Variants in PPARGC1A observed in about 807,000 individuals in gnomAD.
PPARGC1A encodes PPARG coactivator 1 alpha, also known as peroxisome proliferator-activated receptor gamma coactivator 1-alpha.
PPARGC1A carries 25 observed loss-of-function variants against 88.7 expected under a neutral mutation model. That is an observed-to-expected ratio of 0.28 (90% confidence interval 0.21 to 0.39). The LOEUF (loss-of-function observed/expected upper bound fraction) is 0.39, where lower values mean the gene tolerates loss of function less well. Ranked by LOEUF, PPARGC1A falls within the 10% of genes least tolerant of loss-of-function variation. The pLI, the probability that PPARGC1A is intolerant of heterozygous loss-of-function variation, is 1.00. For synonymous variants in PPARGC1A, 363 were observed against 355.6 expected (o/e 1.02, Z -0.24); for missense variants, 880 against 968.7 (o/e 0.91, Z 1.22).
At chr4:23,875,122 GT>G (rs1714423913) in intron 2 of PPARGC1A, among the ~76,000 whole-genome samples, 1 of 152,196 alleles carries the variant, frequency 6.6e-6, no homozygotes, top group African/African-American at 2.4e-5. Flanking sequence ...CTACTAAGAA[GT>G]TCAAGTTAGT....
the PPARGC1A span, among the ~76,000 whole-genome samples, chr4:24,163,631 G>A: frequency 0.014 from 2,090 of 152,200 alleles, 16 homozygotes; most frequent in Non-Finnish European, 0.023. Flanking sequence ...TTTCACTGCC[G>A]CAAAAAGCTA....
chr4:24,042,349 C>T, the PPARGC1A span, among the ~76,000 whole-genome samples: 1 of 150,166 alleles, frequency 6.7e-6, no homozygotes, highest in Non-Finnish European at 1.5e-5. Flanking sequence ...AATAGTCATC[C>T]TCTCTGCCTA....
At chr4:23,971,417 A>T in the PPARGC1A span, among the ~76,000 whole-genome samples, 1 of 152,210 alleles carries the variant, frequency 6.6e-6, no homozygotes, top group African/African-American at 2.4e-5. Context: ...CACAACTAAT[A>T]GGACAGAAAA....
the PPARGC1A span, among the ~76,000 whole-genome samples, chr4:24,311,928 T>C: frequency 6.6e-6 from 1 of 152,074 alleles, no homozygotes; most frequent in Non-Finnish European, 1.5e-5. Flanking sequence ...TGGGAAGCCA[T>C]GAAGAAGAGG....
At chr4:24,245,017 G>C in the PPARGC1A span, among the ~76,000 whole-genome samples, 3 of 151,926 alleles carry the variant, frequency 2.0e-5, no homozygotes, top group Non-Finnish European at 4.4e-5. Flanking sequence ...AGGCGAGGAA[G>C]AAGAAAAAGA....
At chr4:23,866,515 C>T (rs191950209) in intron 2 of PPARGC1A, among the ~76,000 whole-genome samples, 7 of 152,212 alleles carry the variant, frequency 4.6e-5, no homozygotes, top group Admixed American at 2.0e-4. Flanking sequence ...CAAGATAGGC[C>T]GAACATTTTC....
At chr4:24,226,563 TC>T in the PPARGC1A span, among the ~76,000 whole-genome samples, 8 of 152,174 alleles carry the variant, frequency 5.3e-5, no homozygotes, top group African/African-American at 1.7e-4. Flanking sequence ...TCTGGAATAA[TC>T]CCAGGAAAGC....
At chr4:24,023,050 T>C in the PPARGC1A span, among the ~76,000 whole-genome samples, 4 of 152,218 alleles carry the variant, frequency 2.6e-5, no homozygotes, top group Non-Finnish European at 5.9e-5. Flanking sequence ...AATGTACTGT[T>C]AATTTCTCAA....
At chr4:23,871,498 C>A (rs1265289115) in intron 2 of PPARGC1A, among the ~76,000 whole-genome samples, 1 of 152,204 alleles carries the variant, frequency 6.6e-6, no homozygotes, top group Non-Finnish European at 1.5e-5. Context: ...AGGAGGTGAA[C>A]CTGCCTATCA....
intron 2 of PPARGC1A, among the ~76,000 whole-genome samples, chr4:23,878,148 C>T (rs544968510): frequency 2.0e-5 from 3 of 152,166 alleles, no homozygotes; most frequent in South Asian, 2.1e-4. Context: ...GTTGAGACTC[C>T]GGGAGGTTGG....
At chr4:23,955,791 A>G in the PPARGC1A span, among the ~76,000 whole-genome samples, 2 of 152,264 alleles carry the variant, frequency 1.3e-5, no homozygotes, top group East Asian at 3.9e-4. Flanking sequence ...ACAAGTAAGA[A>G]AAGTCAAGGC....
chr4:24,067,229 A>G, the PPARGC1A span, among the ~76,000 whole-genome samples: 2 of 152,090 alleles, frequency 1.3e-5, no homozygotes, highest in Admixed American at 6.6e-5. Flanking sequence ...TATTATTAAT[A>G]TAAAAATTCA....
chr4:24,458,132 G>C, the PPARGC1A span, among the ~76,000 whole-genome samples: 40 of 152,326 alleles, frequency 2.6e-4, no homozygotes, highest in East Asian at 7.1e-3. Flanking sequence ...AAGGTCATCA[G>C]AGTTGTAAGA....
the PPARGC1A span, among the ~76,000 whole-genome samples, chr4:24,304,690 C>A: frequency 1.3e-5 from 2 of 152,124 alleles, no homozygotes; most frequent in South Asian, 2.1e-4. Flanking sequence ...CTGACCGAAT[C>A]AGGACACTTT....
the PPARGC1A span, among the ~76,000 whole-genome samples, chr4:23,988,555 C>T: frequency 6.6e-6 from 1 of 151,940 alleles, no homozygotes; most frequent in Non-Finnish European, 1.5e-5. Flanking sequence ...TCAAACAAAC[C>T]TTTGAAAAAT....
At chr4:24,004,274 A>G in the PPARGC1A span, among the ~76,000 whole-genome samples, 2 of 152,288 alleles carry the variant, frequency 1.3e-5, no homozygotes, top group East Asian at 3.9e-4. Context: ...AGGAAACAAT[A>G]CTTTTAAAAA....
At chr4:24,086,387 A>T in the PPARGC1A span, among the ~76,000 whole-genome samples, 1 of 152,276 alleles carries the variant, frequency 6.6e-6, no homozygotes, top group East Asian at 1.9e-4. Flanking sequence ...CATGTTCCTC[A>T]ACACACACTT....
the PPARGC1A span, among the ~76,000 whole-genome samples, chr4:24,412,421 T>C: frequency 2.6e-5 from 4 of 152,182 alleles, no homozygotes; most frequent in Non-Finnish European, 5.9e-5. Context: ...AAGAATAAAT[T>C]TAATGATGTG....
intron 5 of PPARGC1A, among the ~76,000 whole-genome samples, chr4:23,825,926 TTA>T (rs1410481057): frequency 2.6e-5 from 4 of 152,210 alleles, no homozygotes; most frequent in Non-Finnish European, 5.9e-5. Flanking sequence ...TTACCAAGTT[TTA>T]TGATACTCAA....
Sources: allele counts gnomAD v4.1 joint callset (sites outside exome capture counted in the v4.1 genomes callset), GRCh38; gene constraint gnomAD v4.1.1; transcripts MANE v1.5; gene names NCBI Gene and HGNC (gene_info 2026-07-23, HGNC 2026-07-21).